Variants in CCDC66 observed in about 807,000 individuals in gnomAD.
CCDC66 encodes coiled-coil domain-containing protein 66.
In CCDC66, 133 loss-of-function variants were observed where a neutral mutation model predicts 128.3. That is an observed-to-expected ratio of 1.04 (90% confidence interval 0.90 to 1.20). The LOEUF (loss-of-function observed/expected upper bound fraction) is 1.20. Among genes scored for constraint, CCDC66 ranks in the 50% most tolerant of loss-of-function variants. The pLI, the probability that CCDC66 is intolerant of heterozygous loss-of-function variation, is 0.00. For synonymous variants in CCDC66, 387 were observed against 357.0 expected (o/e 1.08, Z -0.95); for missense variants, 1,126 against 1,075.5 (o/e 1.05, Z -0.66).
Position 56,593,061 on chromosome 3 carries a change from A to G in CCDC66, c.1028A>G (p.Asp343Gly), listed in dbSNP as rs1391386840. ...GAGTTGAATAAGCAAATAGAAGATG[A>G]CCGTCAAAGAAAAATAGAGGAAAAA... ...IEELNKQIED[D>G]RQRKIEEKII... The change falls in exon 8 of 18, where the codon GAC becomes GGC. Residue 343 changes from aspartate (D) to glycine (G), a missense_variant. Transcript: ENST00000394672. 1 of 1,607,162 alleles carries G rather than the reference A, an allele frequency of 6.2e-7. No individual in the cohort carries two copies. The highest frequency in any genetic ancestry group is 1.7e-5 in the Admixed American group (1 of 59,414).
chr3:56,564,211 T>C (rs2065483302), intron 4 of CCDC66, 86 bp downstream of exon 4: 2 of 992,950 alleles, frequency 2.0e-6, no homozygotes, highest in Non-Finnish European at 3.0e-6. Context: ...TATGTAACTG[T>C]GACTCTTAAA....
intron 2 of CCDC66, 141 bp from the exon 3 acceptor site, chr3:56,559,424 TACTC>T (rs1224190826): frequency 1.5e-5 from 8 of 535,056 alleles, no homozygotes; most frequent in African/African-American, 8.0e-5. Flanking sequence ...TAGAAAAAAA[TACTC>T]AGTCAAGATC....
rs376747220 is a variant in CCDC66, at chr3:56,564,004, A to G, written c.423A>G (p.Thr141=). ...AGAAGCCTCACAAAAAACACATCAC[A>G]GCTGAAAACATGAAGAGCAGTTTGG... ...GKQKPHKKHI[T]AENMKSSLVC... Residue 141 remains threonine, a synonymous_variant, in exon 4 of 18, where the codon ACA becomes ACG. Coordinates refer to ENST00000394672, the MANE Select transcript of CCDC66 (RefSeq NM_001141947.3). 3.1e-6 allele frequency: 5 copies of G among 1,613,926 alleles called. No homozygotes were observed. Among genetic ancestry groups the G allele is most frequent in the Admixed American group, 3.3e-5 (2 of 60,002 alleles).
chr3:56,601,241 A>G (rs1275071650), intron 10 of CCDC66, among the ~76,000 whole-genome samples: 2 of 151,998 alleles, frequency 1.3e-5, no homozygotes, highest in South Asian at 2.1e-4. Flanking sequence ...TCCTTTCCCC[A>G]TTGCTTGTTT....
chr3:56,617,423 T>C lies in CCDC66; in HGVS notation c.2155T>C (p.Tyr719His), dbSNP rs1444127693. 2 of 1,613,760 alleles carry C rather than the reference T, an allele frequency of 1.2e-6. No individual in the cohort carries two copies. The highest frequency in any genetic ancestry group is 1.7e-6 in the Non-Finnish European group (2 of 1,179,982). Residue 719 changes from tyrosine (Y) to histidine (H), a missense_variant, in exon 14 of 18, where the codon TAC (tyrosine) becomes CAC (histidine). By Grantham distance (83) the Tyr-to-His change is moderately conservative. Transcript: ENST00000394672. Reference protein sequence around the residue: ...PKRYIPASEKYPKQLQKQREE... With the variant: ...PKRYIPASEKHPKQLQKQREE... ...AAGGTATATTCCAGCATCAGAAAAG[T>C]ACCCTAAACAGCTTCAAAAGCAGAG...
At chr3:56,605,843 C>G (rs1001259032) in intron 10 of CCDC66, among the ~76,000 whole-genome samples, 5 of 152,032 alleles carry the variant, frequency 3.3e-5, no homozygotes, top group Non-Finnish European at 7.4e-5. Context: ...CAGGCAGGGA[C>G]GTTTAAGTCT....
rs141875292 is a variant in CCDC66, at chr3:56,618,175, G to A, written c.2341G>A (p.Glu781Lys). ...KLRWHLVKKEEEPLNIHSFSK... is the reference protein window; with the variant it reads ...KLRWHLVKKEKEPLNIHSFSK... ...CATTTATCTATCCATATTTTAGGAA[G>A]AAGAGCCTCTGAATATTCATTCATT... Residue 781 changes from glutamate (E) to lysine (K), a missense_variant, in exon 15 of 18, where the codon GAA (glutamate) becomes AAA (lysine). Physicochemically the swap from Glu to Lys is moderately conservative, Grantham distance 56 (BLOSUM62 1). Transcript: ENST00000394672. The A allele has an allele frequency of 8.7e-6, 14 of 1,611,320 alleles. No homozygotes were observed. In the African/African-American group the frequency reaches 1.5e-4, roughly 17 times the overall value.
At chr3:56,613,257 T>C (rs2075085107) in intron 10 of CCDC66, among the ~76,000 whole-genome samples, 1 of 152,158 alleles carries the variant, frequency 6.6e-6, no homozygotes, top group Non-Finnish European at 1.5e-5. Flanking sequence ...AAGGGGCTGT[T>C]TGATGGTTAG....
chr3:56,571,713 G>A (rs2066643861), intron 7 of CCDC66, among the ~76,000 whole-genome samples: 1 of 152,046 alleles, frequency 6.6e-6, no homozygotes, highest in Non-Finnish European at 1.5e-5. Context: ...TGGGTTTTTT[G>A]TATGTGTGTT....
chr3:56,617,427 C>T lies in CCDC66; in HGVS notation c.2159C>T (p.Pro720Leu). The T allele has an allele frequency of 6.2e-7, 1 of 1,613,848 alleles. No homozygotes were observed. The highest frequency in any genetic ancestry group is 8.5e-7 in the Non-Finnish European group (1 of 1,179,972). ...KRYIPASEKY[P>L]KQLQKQREEK... ...TATATTCCAGCATCAGAAAAGTACCCTAAACAGCTTCAAAAGCAGAGAGAA... is the reference window on the plus strand; with the variant it reads ...TATATTCCAGCATCAGAAAAGTACCTTAAACAGCTTCAAAAGCAGAGAGAA... The change falls in exon 14 of 18, where the codon CCT becomes CTT. Residue 720 changes from proline to leucine, a missense_variant. Transcript: ENST00000394672.
At chr3:56,619,568 C>T in intron 16 of CCDC66, 41 bp downstream of exon 16, 1 of 1,487,156 alleles carries the variant, frequency 6.7e-7, no homozygotes, top group Non-Finnish European at 8.8e-7. Flanking sequence ...AAATTGAAGA[C>T]CCATGTAAAC....
intron 7 of CCDC66, among the ~76,000 whole-genome samples, chr3:56,572,102 G>A (rs548387008): frequency 6.6e-6 from 1 of 152,206 alleles, no homozygotes; most frequent in South Asian, 2.1e-4. Context: ...GAGTTGTCTC[G>A]TTATGTCGTT....
chr3:56,597,533 A>T (rs1022440725), intron 10 of CCDC66, among the ~76,000 whole-genome samples: 6 of 151,946 alleles, frequency 3.9e-5, no homozygotes, highest in African/African-American at 1.5e-4. Context: ...ATTTGTTTGT[A>T]TCCTCTTTCG....
At chr3:56,616,979 G>A (rs2075602339) in intron 13 of CCDC66, 133 bp from the exon 14 acceptor site, 6 of 706,554 alleles carry the variant, frequency 8.5e-6, no homozygotes. Context: ...GAGTATAGAG[G>A]TTCGGTTTTG....
At chr3:56,604,550 G>A (rs1370705538) in intron 10 of CCDC66, among the ~76,000 whole-genome samples, 2 of 151,804 alleles carry the variant, frequency 1.3e-5, no homozygotes, top group Non-Finnish European at 2.9e-5. Flanking sequence ...GAGTTTGGCT[G>A]GATATGAAAT....
chr3:56,566,116 G>GTTTTGTTTTT (rs1247591163), intron 4 of CCDC66, among the ~76,000 whole-genome samples: 1 of 151,600 alleles, frequency 6.6e-6, no homozygotes, highest in Non-Finnish European at 1.5e-5. Flanking sequence ...CCTTTGTTTT[G>GTTTTGTTTTT]TTTTGTTTTG....
At position 56,621,596 on chromosome 3, in the gene CCDC66, A is replaced by T. The variant is rs1227294624; in HGVS notation, c.2825A>T (p.Glu942Val). 19 of 1,599,188 alleles carry T rather than the reference A, an allele frequency of 1.2e-5. No homozygotes were observed. The highest frequency in any genetic ancestry group is 1.5e-5 in the Non-Finnish European group (18 of 1,173,560). The part of the protein sequence containing the change: ...SLLPLAENQE[E>V]SFGSSF ...CTGCCTTTAGCTGAAAATCAAGAAG[A>T]GAGTTTTGGTTCTTCATTTTAAATG... The change falls in exon 18 of 18, where the codon GAG (glutamate) becomes GTG (valine). Residue 942 changes from glutamate to valine, a missense_variant. Transcript: ENST00000394672.
In CCDC66 at chr3:56,616,876, G is replaced by A. The variant is rs151107400; in HGVS notation, c.1844-236G>A. 6.7e-3 allele frequency: 2,603 copies of A among 390,888 alleles called. 14 individuals carry two copies. The highest frequency in any genetic ancestry group is 0.03 in the Middle Eastern group (43 of 1,436). The allele number at this position is 390,888 out of a possible 1,614,324, so 24.2% of individuals were successfully genotyped here. On this transcript the variant is annotated intron_variant, in intron 13 of 17. Coordinates refer to ENST00000394672, the MANE Select transcript of CCDC66 (RefSeq NM_001141947.3). Reference sequence around the variant, plus strand: ...TTGCATTTCCCCCCCAGTGACTGATGATGTTGAGCATCTTTTCATGATTAT... The same window carrying A: ...TTGCATTTCCCCCCCAGTGACTGATAATGTTGAGCATCTTTTCATGATTAT...
At chr3:56,580,391 A>C (rs1465816197) in intron 7 of CCDC66, among the ~76,000 whole-genome samples, 1 of 151,570 alleles carries the variant, frequency 6.6e-6, no homozygotes, top group Non-Finnish European at 1.5e-5. Flanking sequence ...TTTTAATTGG[A>C]GCATTTAGTT....
Sources: allele counts gnomAD v4.1 joint callset (sites outside exome capture counted in the v4.1 genomes callset), GRCh38; gene constraint gnomAD v4.1.1; transcripts MANE v1.5; gene names NCBI Gene and HGNC (gene_info 2026-07-23, HGNC 2026-07-21).